Variants in SPIDR observed in about 807,000 individuals in gnomAD.
The protein encoded by SPIDR is DNA repair-scaffolding protein.
In SPIDR, 93 loss-of-function variants were observed where a neutral mutation model predicts 104.6. The observed-to-expected ratio is 0.89, with a 90% CI of 0.75 to 1.06. The LOEUF is 1.06. Ranked by LOEUF, SPIDR falls within the 50% of genes least tolerant of loss-of-function variation. SPIDR has a pLI of 0.00. For synonymous variants in SPIDR, 431 were observed against 416.9 expected, an observed-to-expected ratio of 1.03 and a Z score of -0.41; for missense variants, 1,154 against 1,111.2, an observed-to-expected ratio of 1.04 and a Z score of -0.55.
At chr8:47,487,845 C>T (rs1554733029) in intron 8 of SPIDR, among the ~76,000 whole-genome samples, 1 of 152,048 alleles carries the variant, frequency 6.6e-6, no homozygotes. Flanking sequence ...CTCTGGGACA[C>T]ATTCAAAGCA....
At chr8:47,409,174 G>T (rs1474302900) in intron 7 of SPIDR, among the ~76,000 whole-genome samples, 1 of 152,184 alleles carries the variant, frequency 6.6e-6, no homozygotes, top group Non-Finnish European at 1.5e-5. Context: ...GACAGAGTGA[G>T]ACTCTGTCTC....
intron 8 of SPIDR, among the ~76,000 whole-genome samples, chr8:47,486,025 G>C (rs1554730924): frequency 1.3e-5 from 2 of 152,356 alleles, no homozygotes; most frequent in South Asian, 2.1e-4. Flanking sequence ...CGAGTTGAGA[G>C]ATGAAGGCTT....
rs752661595 is a variant in SPIDR at position 47,735,351 on chromosome 8, A to AAATTGTTTTGTCC, written c.2651_2663dup (p.Ser889LeufsTer53). 164 of 1,613,758 alleles carry AAATTGTTTTGTCC rather than the reference A, an allele frequency of 1.0e-4. No homozygotes were observed. The highest frequency in any genetic ancestry group is 1.3e-4 in the Non-Finnish European group (159 of 1,180,006). On this transcript the variant is annotated frameshift_variant, in exon 20 of 20. Coordinates refer to ENST00000297423, the MANE Select transcript of SPIDR (RefSeq NM_001080394.4). LOFTEE classifies it low-confidence loss of function (END_TRUNC). ...TCCTCGGAAAGGAAGTGGGGTTGTT[A>AAATTGTTTTGTCC]AATTGTTTTGTCCAGTCCGTAACCG...
At chr8:47,586,242 A>G (rs903319302) in intron 8 of SPIDR, among the ~76,000 whole-genome samples, 1 of 152,186 alleles carries the variant, frequency 6.6e-6, no homozygotes, top group Non-Finnish European at 1.5e-5. Flanking sequence ...TCTGAGATAA[A>G]TGCCCAGGAG....
In SPIDR at chr8:47,500,755, C is replaced by T. The variant is rs186261913; in HGVS notation, c.1097+60213C>T. ...TGAATGGTATTGCCTAGGTTTTCTT[C>T]TAGGGTTTTTATGGTTTTAGGTCTA... On this transcript the variant is annotated intron_variant, in intron 8 of 19. Transcript: ENST00000297423. Among the ~76,000 whole-genome samples the T allele has an allele frequency of 3.9e-3, 594 of 152,232 alleles. 2 individuals carry two copies. Among genetic ancestry groups the T allele is most frequent in the Non-Finnish European group, 6.0e-3 (407 of 68,018 alleles).
chr8:47,678,286 A>T (rs2076684790), intron 11 of SPIDR, among the ~76,000 whole-genome samples: 1 of 152,174 alleles, frequency 6.6e-6, no homozygotes, highest in Non-Finnish European at 1.5e-5. Context: ...TGAAGAAGAG[A>T]AGAGGTCATA....
At chr8:47,444,686 G>A (rs2070211047) in intron 8 of SPIDR, among the ~76,000 whole-genome samples, 1 of 152,098 alleles carries the variant, frequency 6.6e-6, no homozygotes, top group South Asian at 2.1e-4. Context: ...ACTATTTCTA[G>A]AAGTAGAAAT....
intron 5 of SPIDR, among the ~76,000 whole-genome samples, chr8:47,384,504 A>G (rs1588005330): frequency 1.3e-5 from 2 of 152,350 alleles, no homozygotes; most frequent in East Asian, 3.9e-4. Context: ...GTGCCCTTAT[A>G]CCATGTTTAA....
At chr8:47,333,495 G>A (rs1201051600) in intron 5 of SPIDR, among the ~76,000 whole-genome samples, 17 of 151,808 alleles carry the variant, frequency 1.1e-4, no homozygotes, top group Admixed American at 7.9e-4. Flanking sequence ...GTAGAGACAG[G>A]GTTTCACCAT....
At chr8:47,731,429 G>A (rs979623130) in intron 19 of SPIDR, among the ~76,000 whole-genome samples, 3 of 152,212 alleles carry the variant, frequency 2.0e-5, no homozygotes, top group African/African-American at 7.2e-5. Context: ...TGGTGCAAAA[G>A]GTGAGTCATC....
chr8:47,375,904 T>A (rs1249419365), intron 5 of SPIDR, among the ~76,000 whole-genome samples: 1 of 152,232 alleles, frequency 6.6e-6, no homozygotes, highest in Non-Finnish European at 1.5e-5. Flanking sequence ...TTGACTTAAT[T>A]CAAAGTTCTA....
chr8:47,480,818 T>C (rs1337137344), intron 8 of SPIDR, among the ~76,000 whole-genome samples: 1 of 152,200 alleles, frequency 6.6e-6, no homozygotes, highest in Non-Finnish European at 1.5e-5. Flanking sequence ...AGAGGTTTCT[T>C]CATTCCTTTA....
intron 8 of SPIDR, among the ~76,000 whole-genome samples, chr8:47,575,917 G>A (rs1228875327): frequency 1.3e-5 from 2 of 149,838 alleles, no homozygotes; most frequent in Admixed American, 6.6e-5. Context: ...CCGAGATCGC[G>A]CCACTGCTTT....
At chr8:47,698,603 C>G (rs1361297145) in intron 11 of SPIDR, among the ~76,000 whole-genome samples, 4 of 152,184 alleles carry the variant, frequency 2.6e-5, no homozygotes, top group Non-Finnish European at 5.9e-5. Flanking sequence ...TTTTAATTAG[C>G]TGGTAGCATC....
At chr8:47,551,469 A>C (rs1400439697) in intron 8 of SPIDR, among the ~76,000 whole-genome samples, 2 of 152,096 alleles carry the variant, frequency 1.3e-5, no homozygotes, top group Admixed American at 6.6e-5. Flanking sequence ...GTCTATTGAG[A>C]GATTCAACTT....
At chr8:47,523,843 T>C (rs1459800542) in intron 8 of SPIDR, among the ~76,000 whole-genome samples, 1 of 152,188 alleles carries the variant, frequency 6.6e-6, no homozygotes, top group Non-Finnish European at 1.5e-5. Flanking sequence ...GTTTCTCTGG[T>C]GATACAATTT....
intron 10 of SPIDR, among the ~76,000 whole-genome samples, chr8:47,642,760 T>A (rs1036175335): frequency 1.1e-4 from 17 of 151,988 alleles, no homozygotes; most frequent in African/African-American, 3.6e-4. Flanking sequence ...AATTTAAAAA[T>A]TAGCTGGGCA....
In SPIDR at chr8:47,701,866, T is replaced by C. The variant is rs777291702; in HGVS notation, c.1917+2T>C. 5 of 1,614,012 alleles carry C rather than the reference T, an allele frequency of 3.1e-6. No homozygotes were observed. Among genetic ancestry groups the C allele is most frequent in the Non-Finnish European group, 4.2e-6 (5 of 1,180,020 alleles). On this transcript the variant is annotated splice_donor_variant, in intron 13 of 19. Coordinates refer to ENST00000297423, the MANE Select transcript of SPIDR (RefSeq NM_001080394.4). LOFTEE classifies it high-confidence loss of function. ...CGCTGCTTAAGAGACATTCTCCAGG[T>C]AATGTCTTTGTTTCTAACAGGTTTT...
At chr8:47,643,071 T>C (rs1050475373) in intron 10 of SPIDR, among the ~76,000 whole-genome samples, 1 of 152,238 alleles carries the variant, frequency 6.6e-6, no homozygotes, top group South Asian at 2.1e-4. Context: ...TTCTACTGCA[T>C]TGAAAATCAT....
Sources: gnomAD v4.1 joint callset for allele counts (sites outside exome capture counted in the v4.1 genomes callset) on GRCh38, gnomAD v4.1.1 for gene constraint, MANE v1.5 for transcripts, NCBI Gene and HGNC (gene_info 2026-07-23, HGNC 2026-07-21) for gene names.